Variants in HDX observed in about 807,000 individuals in gnomAD.
HDX encodes the protein highly divergent homeobox, also known as chromosome X open reading frame 43.
Under a neutral mutation model 45.2 loss-of-function variants are expected in HDX, and 19 were observed. That is an observed-to-expected ratio of 0.42 (90% CI 0.29 to 0.62). The LOEUF (loss-of-function observed/expected upper bound fraction) is 0.62, where lower values mean the gene tolerates loss of function less well. Among genes scored for constraint, HDX ranks in the 20% least tolerant of loss-of-function variants. HDX has a pLI of 0.20. For synonymous variants in HDX, 188 were observed against 172.8 expected, an observed-to-expected ratio of 1.09 and a Z score of -0.69; for missense variants, 532 against 493.9, an observed-to-expected ratio of 1.08 and a Z score of -0.73.
chrX:84,501,948 C>T (rs1394095258), intron 1 of HDX, among the ~76,000 whole-genome samples: 4 of 111,752 alleles, frequency 3.6e-5, no homozygotes, highest in Non-Finnish European at 7.5e-5. Context: ...TTGAGTAGGG[C>T]TGTGAGAAAT....
intron 7 of HDX, among the ~76,000 whole-genome samples, chrX:84,343,019 AG>A (rs1446240535): frequency 9.0e-6 from 1 of 111,445 alleles, no homozygotes; most frequent in Non-Finnish European, 1.9e-5. Context: ...AGATACAAAA[AG>A]CCTATATATT....
rs746781959 is a variant in HDX, at chrX:84,460,562, A to G, written c.1251+7910T>C. 1.6e-4 allele frequency among the ~76,000 whole-genome samples: 18 copies of G among 111,537 alleles called. No individual in the cohort carries two copies. In the East Asian group the frequency reaches 4.2e-3, roughly 26 times the overall value. On this transcript the variant is annotated intron_variant, in intron 4 of 10. Transcript: ENST00000373177. ...AGGAGCATACCACAACACATTAAAA[A>G]CCATATATGACAGATTCACAGCTAG...
Position 84,361,532 on chromosome X carries a change from G to A in HDX, c.1386C>T (p.Gly462=), listed in dbSNP as rs149836352. 5.2e-4 allele frequency: 628 copies of A among 1,202,561 alleles called. 1 individual carries two copies. The African/African-American group carries it at 0.01, about 19-fold the overall frequency. ...CTTCAATTTTCTCTCTACAAACAGA[G>A]CCCAGGCTGGTCATGCCATTGTCCC... ...KYWDNGMTSL[G]SVCREKIEAV... Residue 462 remains glycine, a synonymous_variant, in exon 6 of 11, where the codon GGC becomes GGT. Coordinates refer to ENST00000373177, the MANE Select transcript of HDX (RefSeq NM_001177479.2).
Position 84,326,235 on chromosome X carries a change from C to T in HDX, c.1890G>A (p.Gln630=). ...EIQKQKYFKL[Q]TFVRSLILAM... ...CTAATATCAAGCTTCTAACAAAAGT[C>T]TGAAGTTTAAAGTATTTTTGCTTTT... Residue 630 remains glutamine, a synonymous_variant, in exon 10 of 11, where the codon CAG becomes CAA. Transcript: ENST00000373177. 1 of 1,197,903 alleles carries T rather than the reference C, an allele frequency of 8.3e-7. No individual in the cohort carries two copies.
chrX:84,384,803 T>C (rs928896508), intron 5 of HDX, among the ~76,000 whole-genome samples: 6 of 111,276 alleles, frequency 5.4e-5, no homozygotes, highest in Non-Finnish European at 7.5e-5. Context: ...CTATTTTCTG[T>C]TTTTCTTGGT....
At chrX:84,414,291 C>T (rs1049030564) in intron 5 of HDX, among the ~76,000 whole-genome samples, 1 of 111,231 alleles carries the variant, frequency 9.0e-6, no homozygotes, top group African/African-American at 3.3e-5. Flanking sequence ...TCACAAGCAC[C>T]ACCTCTACCC....
rs141684245 is a variant in HDX, at chrX:84,407,097, G to A, written c.1305+33435C>T. Reference sequence around the variant, plus strand: ...TTTTAGGTCAAGAGTACCTGTGTAGGTTTGTTATATAGAGAAATTGCATGT... The same window carrying A: ...TTTTAGGTCAAGAGTACCTGTGTAGATTTGTTATATAGAGAAATTGCATGT... On this transcript the variant is annotated intron_variant, in intron 5 of 10. Coordinates refer to ENST00000373177, the MANE Select transcript of HDX (RefSeq NM_001177479.2). Among the ~76,000 whole-genome samples, 37 of 110,880 alleles carry A rather than the reference G, an allele frequency of 3.3e-4. No individual in the cohort carries two copies. In the East Asian group the frequency reaches 7.4e-3, roughly 22 times the overall value.
intron 5 of HDX, among the ~76,000 whole-genome samples, chrX:84,393,226 A>G (rs1396354125): frequency 9.0e-6 from 1 of 111,083 alleles, no homozygotes; most frequent in Admixed American, 9.6e-5. Context: ...CTTTGGCATA[A>G]AGGGATGTTG....
chrX:84,365,090 T>C (rs1012595503), intron 5 of HDX, among the ~76,000 whole-genome samples: 5 of 97,113 alleles, frequency 5.1e-5, no homozygotes, highest in African/African-American at 2.2e-4. Flanking sequence ...CTTCTTGATA[T>C]CCTGATTTCT....
At chrX:84,455,247 C>T (rs923574416) in intron 4 of HDX, among the ~76,000 whole-genome samples, 3 of 111,793 alleles carry the variant, frequency 2.7e-5, no homozygotes, top group Admixed American at 9.5e-5. Flanking sequence ...TAATTGTGGA[C>T]AGACAGAAAT....
At chrX:84,476,198 T>G (rs1489565434) in intron 2 of HDX, among the ~76,000 whole-genome samples, 1 of 111,043 alleles carries the variant, frequency 9.0e-6, no homozygotes, top group Non-Finnish European at 1.9e-5. Context: ...AGAATAAAAG[T>G]CAGGTCAAAC....
At chrX:84,346,189 A>G (rs951537144) in intron 6 of HDX, among the ~76,000 whole-genome samples, 5 of 111,279 alleles carry the variant, frequency 4.5e-5, no homozygotes, top group Non-Finnish European at 9.4e-5. Context: ...TCTAATTGTT[A>G]AACACAGTTT....
At chrX:84,463,444 T>C (rs770140942) in intron 4 of HDX, among the ~76,000 whole-genome samples, 2 of 111,388 alleles carry the variant, frequency 1.8e-5, no homozygotes, top group African/African-American at 6.5e-5. Context: ...TGGAAGACAT[T>C]ACCAAGGCAC....
At chrX:84,380,626 T>A (rs959855178) in intron 5 of HDX, among the ~76,000 whole-genome samples, 1 of 111,493 alleles carries the variant, frequency 9.0e-6, no homozygotes, top group African/African-American at 3.2e-5. Context: ...GTAAAGACTT[T>A]ATGATTATGC....
chrX:84,492,894 T>A (rs1398693933), intron 1 of HDX, among the ~76,000 whole-genome samples: 1 of 110,126 alleles, frequency 9.1e-6, no homozygotes, highest in Non-Finnish European at 1.9e-5. Flanking sequence ...TTAGTACAAA[T>A]TTAATATTAC....
chrX:84,501,479 G>A (rs2041116952), intron 1 of HDX: 1 of 111,921 alleles, frequency 8.9e-6, no homozygotes, highest in South Asian at 3.7e-4. Flanking sequence ...AGAATTTAAG[G>A]TTCAAAATCA....
chrX:84,376,213 C>T (rs193251386), intron 5 of HDX, among the ~76,000 whole-genome samples: 3 of 112,083 alleles, frequency 2.7e-5, no homozygotes, highest in Non-Finnish European at 3.8e-5. Context: ...GCCCTTAGGC[C>T]GCGAATAGCT....
intron 1 of HDX, among the ~76,000 whole-genome samples, chrX:84,488,685 C>A (rs1010929064): frequency 6.3e-5 from 7 of 110,954 alleles, no homozygotes; most frequent in African/African-American, 2.3e-4. Context: ...CTCCTTTGAG[C>A]AATAAAATTT....
rs1042621958 is a variant in HDX, at chrX:84,320,658, A to G, written c.*1231T>C. 9.0e-6 allele frequency: 1 copy of G among 111,078 alleles called. No homozygotes were observed. The allele number at this position is 111,078 out of a possible 1,213,427, so 9.2% of individuals were successfully genotyped here. On this transcript the variant is annotated 3_prime_UTR_variant, in exon 11 of 11. Transcript: ENST00000373177. ...CCATGCAACACAATTGCACACTGCC[A>G]AGTCACAAATATATGACACTGTGGG...
Sources: allele counts gnomAD v4.1 joint callset (sites outside exome capture counted in the v4.1 genomes callset), GRCh38; gene constraint gnomAD v4.1.1; transcripts MANE v1.5; gene names NCBI Gene and HGNC (gene_info 2026-07-23, HGNC 2026-07-21).